Variants in ANKRD30B observed in about 807,000 individuals in gnomAD.
ANKRD30B encodes ankyrin repeat domain 30B, also known as ankyrin repeat domain-containing protein 30B.
Under a neutral mutation model 202.2 loss-of-function variants are expected in ANKRD30B, and 144 were observed. The ratio of observed to expected loss-of-function variants is 0.71; its 90% CI spans 0.62 to 0.82. The LOEUF (loss-of-function observed/expected upper bound fraction) is 0.82, where lower values mean the gene tolerates loss of function less well. Among genes scored for constraint, ANKRD30B ranks in the 40% least tolerant of loss-of-function variants. The probability of loss-of-function intolerance (pLI) is 0.00; values close to 1 mark genes in which losing one functional copy is unlikely to be tolerated. For missense variants in ANKRD30B, 1,487 were observed against 1,669.1 expected (o/e 0.89, Z 1.90); for synonymous variants, 508 against 561.3 (o/e 0.91, Z 1.34).
chr18:14,921,725 A>G, the ANKRD30B span, among the ~76,000 whole-genome samples: 1 of 152,194 alleles, frequency 6.6e-6, no homozygotes, highest in Non-Finnish European at 1.5e-5. Flanking sequence ...TTATAATGCA[A>G]ACAGAGGCAT....
downstream of ANKRD30B, among the ~76,000 whole-genome samples, chr18:14,856,785 T>C: frequency 1.7e-5 from 2 of 114,302 alleles, no homozygotes; most frequent in African/African-American, 3.3e-5. Context: ...GCAGAGGCGC[T>C]CCTCACAACC....
the ANKRD30B span, among the ~76,000 whole-genome samples, chr18:14,870,971 C>T: frequency 6.7e-6 from 1 of 150,030 alleles, no homozygotes; most frequent in Non-Finnish European, 1.5e-5. Flanking sequence ...GCACTCACAC[C>T]CTAACCCACA....
At chr18:14,781,471 AT>A (rs200409406) in intron 11 of ANKRD30B, among the ~76,000 whole-genome samples, 5 of 151,488 alleles carry the variant, frequency 3.3e-5, no homozygotes, top group Non-Finnish European at 4.4e-5. Context: ...ATTTTTTTGC[AT>A]TTTTTTAGTA....
chr18:14,865,867 G>A, the ANKRD30B span, among the ~76,000 whole-genome samples: 2 of 152,168 alleles, frequency 1.3e-5, no homozygotes, highest in Non-Finnish European at 2.9e-5. Flanking sequence ...GAGCAGCTCG[G>A]TGAGCAGATA....
chr18:14,754,632 G>T (rs1914038141), intron 3 of ANKRD30B, among the ~76,000 whole-genome samples: 1 of 152,048 alleles, frequency 6.6e-6, no homozygotes, highest in Non-Finnish European at 1.5e-5. Flanking sequence ...GAAGCTCTTG[G>T]TTTAGATGGG....
chr18:14,909,689 GAGTCACTGCGCCTGACTGGA>G, the ANKRD30B span, among the ~76,000 whole-genome samples: 1 of 152,200 alleles, frequency 6.6e-6, no homozygotes, highest in Non-Finnish European at 1.5e-5. Context: ...TTACAGGCAT[GAGTCACTGCGCCTGACTGGA>G]AGGCACTATT....
At chr18:14,798,722 G>C (rs930779414) in intron 20 of ANKRD30B, among the ~76,000 whole-genome samples, 7 of 152,096 alleles carry the variant, frequency 4.6e-5, no homozygotes, top group Non-Finnish European at 7.4e-5. Flanking sequence ...ATGCCTTTCT[G>C]GGATAGGAAC....
chr18:14,782,137 T>G (rs947012739), intron 11 of ANKRD30B, among the ~76,000 whole-genome samples: 1 of 152,222 alleles, frequency 6.6e-6, no homozygotes, highest in Non-Finnish European at 1.5e-5. Context: ...CCAGCCTGAT[T>G]GAACTCCAAC....
chr18:14,775,155 A>G (rs1176754492), intron 9 of ANKRD30B, among the ~76,000 whole-genome samples: 1 of 152,142 alleles, frequency 6.6e-6, no homozygotes, highest in Admixed American at 6.6e-5. Flanking sequence ...CCAAGAAATT[A>G]TTTTCTGACA....
chr18:14,896,227 G>T, the ANKRD30B span, among the ~76,000 whole-genome samples: 1 of 151,918 alleles, frequency 6.6e-6, no homozygotes, highest in Admixed American at 6.5e-5. Context: ...CGCCTCCCAG[G>T]TTTGTGCCAT....
At chr18:14,898,094 A>G in the ANKRD30B span, among the ~76,000 whole-genome samples, 5 of 152,284 alleles carry the variant, frequency 3.3e-5, no homozygotes, top group African/African-American at 1.2e-4. Flanking sequence ...AACCAATTCT[A>G]TAGATCTTTT....
chr18:14,839,246 C>A (rs1338943005), intron 36 of ANKRD30B, among the ~76,000 whole-genome samples: 5 of 152,132 alleles, frequency 3.3e-5, no homozygotes, highest in Non-Finnish European at 7.4e-5. Context: ...GAGAATGTTC[C>A]TTAAGAGAAA....
intron 30 of ANKRD30B, among the ~76,000 whole-genome samples, chr18:14,817,720 G>A (rs151077104): frequency 0.012 from 1,753 of 152,256 alleles, 41 homozygotes; most frequent in African/African-American, 0.04. Context: ...ACAAACAGAT[G>A]TATTAATGGT....
chr18:14,821,043 C>G (rs1313000864), intron 30 of ANKRD30B, among the ~76,000 whole-genome samples: 1 of 152,156 alleles, frequency 6.6e-6, no homozygotes, highest in African/African-American at 2.4e-5. Flanking sequence ...ATTTCAGATC[C>G]TGTTATTGTT....
intron 7 of ANKRD30B, among the ~76,000 whole-genome samples, chr18:14,768,302 A>T (rs567564821): frequency 7.9e-5 from 12 of 152,136 alleles, no homozygotes; most frequent in Non-Finnish European, 1.6e-4. Context: ...CCTTTCCTAT[A>T]ACTTGCTCTA....
chr18:14,818,930 T>TC (rs1158365336), intron 30 of ANKRD30B, among the ~76,000 whole-genome samples: 1 of 151,850 alleles, frequency 6.6e-6, no homozygotes, highest in Non-Finnish European at 1.5e-5. Flanking sequence ...CCCTGAGGAA[T>TC]CGCCACACTG....
the ANKRD30B span, among the ~76,000 whole-genome samples, chr18:14,934,553 A>T: frequency 6.6e-6 from 1 of 152,146 alleles, no homozygotes; most frequent in Non-Finnish European, 1.5e-5. Context: ...GGATGAAGAC[A>T]TAGTACTCTG....
chr18:14,911,086 C>T, the ANKRD30B span, among the ~76,000 whole-genome samples: 87 of 151,846 alleles, frequency 5.7e-4, no homozygotes, highest in Non-Finnish European at 3.5e-4. Context: ...TTTACTCCAT[C>T]GATTATTTAT....
At chr18:14,805,379 C>T (rs555262918) in intron 24 of ANKRD30B, among the ~76,000 whole-genome samples, 33 of 150,860 alleles carry the variant, frequency 2.2e-4, no homozygotes, top group Non-Finnish European at 4.3e-4. Context: ...TATTGAGGGC[C>T]AATTAAATTT....
Sources: allele counts gnomAD v4.1 joint callset (sites outside exome capture counted in the v4.1 genomes callset), GRCh38; gene constraint gnomAD v4.1.1; transcripts MANE v1.5; gene names NCBI Gene and HGNC (gene_info 2026-07-23, HGNC 2026-07-21).